The following CD200 variants were observed in gnomAD, a reference collection of about 807,000 sequenced individuals.
CD200 encodes the protein OX-2 membrane glycoprotein.
In CD200, 15 loss-of-function variants were observed where a neutral mutation model predicts 30.9. That is an observed-to-expected ratio of 0.49 (90% confidence interval 0.32 to 0.75). CD200 has a LOEUF of 0.75. Ranked by LOEUF, CD200 falls within the 30% of genes least tolerant of loss-of-function variation. The pLI is 0.03. For synonymous variants in CD200, 134 were observed against 126.2 expected (o/e 1.06, Z -0.41); for missense variants, 262 against 324.2 (o/e 0.81, Z 1.47).
At chr3:112,360,518 A>G (rs1232830431) in intron 5 of CD200, among the ~76,000 whole-genome samples, 1 of 152,182 alleles carries the variant, frequency 6.6e-6, no homozygotes, top group South Asian at 2.1e-4. Context: ...TGATAATTTA[A>G]AAATGAATTA....
In CD200 at chr3:112,357,381, T is replaced by C. The variant is rs942779977; in HGVS notation, c.803-4162T>C. ...TGTTTATTTGTAGCTGTCGCCAACTTCCGTGAAGTAAATGTTCCCACCATA... is the reference window on the plus strand; with the variant it reads ...TGTTTATTTGTAGCTGTCGCCAACTCCCGTGAAGTAAATGTTCCCACCATA... On this transcript the variant is annotated intron_variant, in intron 5 of 5. Coordinates refer to ENST00000315711, the MANE Select transcript of CD200 (RefSeq NM_005944.7). Among the ~76,000 whole-genome samples, 9 of 152,174 alleles carry C rather than the reference T, an allele frequency of 5.9e-5. No individual in the cohort carries two copies. The East Asian group carries it at 1.7e-3, about 29-fold the overall frequency.
intron 3 of CD200, among the ~76,000 whole-genome samples, chr3:112,346,724 T>C (rs912387114): frequency 2.0e-5 from 3 of 152,198 alleles, no homozygotes; most frequent in African/African-American, 7.2e-5. Flanking sequence ...AGCACTGCCA[T>C]TTAATTATCT....
chr3:112,360,559 GT>G (rs556288653), intron 5 of CD200, among the ~76,000 whole-genome samples: 41 of 152,076 alleles, frequency 2.7e-4, no homozygotes, highest in Admixed American at 2.3e-3. Context: ...CTAGTAATTC[GT>G]TTTTACTATT....
At chr3:112,342,247 G>A (rs1380843705) in intron 2 of CD200, among the ~76,000 whole-genome samples, 1 of 150,958 alleles carries the variant, frequency 6.6e-6, no homozygotes, top group African/African-American at 2.4e-5. Flanking sequence ...AATGTTGCTA[G>A]AATTAAATGT....
At chr3:112,345,512 G>C (rs531127167) in intron 3 of CD200, among the ~76,000 whole-genome samples, 8 of 152,292 alleles carry the variant, frequency 5.3e-5, no homozygotes, top group Non-Finnish European at 1.2e-4. Context: ...GGATCCTGCT[G>C]TCAACAGGAG....
chr3:112,350,270 G>A (rs1217873061), intron 5 of CD200, among the ~76,000 whole-genome samples: 3 of 152,184 alleles, frequency 2.0e-5, no homozygotes, highest in African/African-American at 7.2e-5. Flanking sequence ...TCAGCATCAT[G>A]CAAGTGATCC....
intron 4 of CD200, among the ~76,000 whole-genome samples, chr3:112,349,302 A>G (rs1164862784): frequency 1.3e-5 from 2 of 152,334 alleles, no homozygotes; most frequent in Non-Finnish European, 1.5e-5. Flanking sequence ...ATTTTCCACA[A>G]TTTCCTCAAT....
At chr3:112,335,777 C>A in intron 1 of CD200, 1 of 648,024 alleles carries the variant, frequency 1.5e-6, no homozygotes, top group South Asian at 1.6e-5. Flanking sequence ...TGAAGAAGAG[C>A]CCTTTTCCAG....
intron 5 of CD200, among the ~76,000 whole-genome samples, chr3:112,354,374 C>T (rs1032161516): frequency 6.6e-6 from 1 of 152,192 alleles, no homozygotes; most frequent in African/African-American, 2.4e-5. Context: ...AATCTACCAG[C>T]TGAAAAATCC....
chr3:112,352,041 G>A (rs570719170), intron 5 of CD200, among the ~76,000 whole-genome samples: 26 of 152,214 alleles, frequency 1.7e-4, no homozygotes, highest in Admixed American at 6.5e-4. Flanking sequence ...CTCTAACACC[G>A]GGGATCAGAT....
chr3:112,338,237 G>A (rs2081162960), intron 1 of CD200, among the ~76,000 whole-genome samples: 1 of 152,148 alleles, frequency 6.6e-6, no homozygotes, highest in Non-Finnish European at 1.5e-5. Context: ...AATCTAATGT[G>A]TAAAGTGACT....
chr3:112,352,956 C>G (rs752721552), intron 5 of CD200, among the ~76,000 whole-genome samples: 6 of 152,210 alleles, frequency 3.9e-5, no homozygotes, highest in Admixed American at 1.3e-4. Flanking sequence ...ATCACAGTTA[C>G]TTCCCAGGAG....
chr3:112,345,057 T>C lies in CD200; in HGVS notation c.190T>C (p.Trp64Arg), dbSNP rs1363823640. The change falls in exon 3 of 6, where the codon TGG becomes CGG. Residue 64 changes from tryptophan (W) to arginine (R), a missense_variant. Coordinates refer to ENST00000315711, the MANE Select transcript of CD200 (RefSeq NM_005944.7). ...QNAQEALIVT[W>R]QKKKAVSPEN... ...TGCCCAGGAAGCCCTCATTGTGACA[T>C]GGCAGAAAAAGAAAGCTGTAAGCCC... 1 of 1,614,104 alleles carries C rather than the reference T, an allele frequency of 6.2e-7. No individual in the cohort carries two copies. The highest frequency in any genetic ancestry group is 1.7e-5 in the Admixed American group (1 of 59,990).
chr3:112,357,271 A>AAAAAAAG lies in CD200; in HGVS notation c.803-4269_803-4268insAAAGAAA, dbSNP rs1553720695. ...GCGAGACTGTCTCAAAAAAAAAAAA[A>AAAAAAAG]AAAGAAAGAAAGAAAGAAAGAAAAA... On this transcript the variant is annotated intron_variant, in intron 5 of 5. Coordinates refer to ENST00000315711, the MANE Select transcript of CD200 (RefSeq NM_005944.7). Among the ~76,000 whole-genome samples the AAAAAAAG allele has an allele frequency of 4.8e-3, 676 of 139,720 alleles. 7 individuals carry two copies. Among genetic ancestry groups the AAAAAAAG allele is most frequent in the African/African-American group, 0.017 (629 of 36,976 alleles). 91.7% of individuals were successfully genotyped at this position (139,720 alleles called of 152,430 possible). A position where few individuals can be genotyped will look rare whatever the true frequency, so the allele number is the denominator to read the frequency against.
At chr3:112,352,809 C>G (rs956143225) in intron 5 of CD200, among the ~76,000 whole-genome samples, 1 of 152,166 alleles carries the variant, frequency 6.6e-6, no homozygotes, top group Admixed American at 6.5e-5. Context: ...CTTACAGTTA[C>G]TGATGTTATT....
intron 5 of CD200, among the ~76,000 whole-genome samples, chr3:112,358,939 A>AAGAAAGAG (rs1553721149): frequency 1.3e-5 from 2 of 152,226 alleles, no homozygotes; most frequent in South Asian, 2.1e-4. Flanking sequence ...GAGAGAAAGA[A>AAGAAAGAG]AGAGAGAAAC....
intron 1 of CD200, 100 bp from the exon 2 acceptor site, chr3:112,340,802 A>C (rs1462526399): frequency 1.3e-6 from 1 of 779,178 alleles, no homozygotes; most frequent in African/African-American, 1.7e-5. Context: ...GGGGGTAAAA[A>C]CTTAGCTACA....
At chr3:112,333,329 C>T (rs2081039503) in intron 1 of CD200, 105 bp downstream of exon 1, 3 of 1,477,028 alleles carry the variant, frequency 2.0e-6, no homozygotes, top group Admixed American at 4.6e-5. Context: ...CGGCTCTTGC[C>T]ACAATCTGGT....
rs13089788 is a variant in CD200 at position 112,358,079 on chromosome 3, C to T, written c.803-3464C>T. 5.3e-5 allele frequency among the ~76,000 whole-genome samples: 8 copies of T among 152,200 alleles called. No individual in the cohort carries two copies. In the South Asian group the frequency reaches 8.3e-4, roughly 16 times the overall value. On this transcript the variant is annotated intron_variant, in intron 5 of 5. Transcript: ENST00000315711. ...TCCCAGAGCAGGGGGCATTCACACA[C>T]GCGCACACACACGCACACGCACACA... is the stretch of plus-strand genomic sequence containing the variant.
Sources: allele counts gnomAD v4.1 joint callset (sites outside exome capture counted in the v4.1 genomes callset), GRCh38; gene constraint gnomAD v4.1.1; transcripts MANE v1.5; gene names NCBI Gene and HGNC (gene_info 2026-07-23, HGNC 2026-07-21).